The following ACACA variants were observed in gnomAD, a reference collection of about 807,000 sequenced individuals.
The protein encoded by ACACA is acetyl-CoA carboxylase alpha.
ACACA carries 103 observed loss-of-function variants against 296.1 expected under a neutral mutation model. That is an observed-to-expected ratio of 0.35 (90% CI 0.30 to 0.41). The LOEUF (loss-of-function observed/expected upper bound fraction) is 0.41, where lower values mean the gene tolerates loss of function less well. ACACA is among the 10% of genes least tolerant of loss of function. The pLI is 1.00. For synonymous variants in ACACA, 953 were observed against 1,038.6 expected, an observed-to-expected ratio of 0.92 and a Z score of 1.58; for missense variants, 1,554 against 2,989.7, an observed-to-expected ratio of 0.52 and a Z score of 11.20.
chr17:37,241,933 C>T lies in ACACA; in HGVS notation c.3032+20G>A. The T allele has an allele frequency of 6.3e-7, 1 of 1,594,128 alleles. No individual in the cohort carries two copies. Among genetic ancestry groups the T allele is most frequent in the Non-Finnish European group, 8.6e-7 (1 of 1,162,070 alleles). ...CATGAGTATGGACAGGTCTGGGAAT[C>T]TGGAGTTACAAGTTACTACCTCTGT... is the stretch of plus-strand genomic sequence containing the variant. On this transcript the variant is annotated intron_variant, in intron 23 of 55. Transcript: ENST00000616317.
In ACACA at chr17:37,240,574, T is replaced by C. The variant is rs368429707; in HGVS notation, c.3033-10A>G. ...GATGCCACTTCGGTACCTAGGCAAATAGAAAGTCTCCACTGAAAAACCTGA... is the reference window on the plus strand; with the variant it reads ...GATGCCACTTCGGTACCTAGGCAAACAGAAAGTCTCCACTGAAAAACCTGA... On this transcript the variant is annotated splice_polypyrimidine_tract_variant and intron_variant, in intron 23 of 55. Transcript: ENST00000616317. 15 of 1,609,156 alleles carry C rather than the reference T, an allele frequency of 9.3e-6. No homozygotes were observed. In the African/African-American group the frequency reaches 1.5e-4, roughly 16 times the overall value.
At chr17:37,206,173 G>C (rs958224694) in intron 32 of ACACA, among the ~76,000 whole-genome samples, 1 of 152,170 alleles carries the variant, frequency 6.6e-6, no homozygotes, top group African/African-American at 2.4e-5. Flanking sequence ...CCAATAAAAT[G>C]GGGGTGAAAC....
intron 3 of ACACA, among the ~76,000 whole-genome samples, chr17:37,311,765 G>A (rs960366966): frequency 6.6e-5 from 10 of 151,810 alleles, no homozygotes; most frequent in South Asian, 6.2e-4. Flanking sequence ...CCAGCTACTC[G>A]GGAGGCTGAG....
At chr17:37,093,114 G>T (rs899498113) in intron 54 of ACACA, among the ~76,000 whole-genome samples, 2 of 152,196 alleles carry the variant, frequency 1.3e-5, no homozygotes, top group Non-Finnish European at 2.9e-5. Flanking sequence ...GAAGTTTGGT[G>T]TATGAGACTT....
chr17:37,296,766 G>A (rs1464411822), intron 3 of ACACA, among the ~76,000 whole-genome samples: 1 of 151,956 alleles, frequency 6.6e-6, no homozygotes, highest in African/African-American at 2.4e-5. Context: ...GCCCAGGCTG[G>A]AGTACAGTAG....
chr17:37,273,520 T>A (rs2082152644), intron 9 of ACACA, among the ~76,000 whole-genome samples: 1 of 152,240 alleles, frequency 6.6e-6, no homozygotes, highest in South Asian at 2.1e-4. Flanking sequence ...AAGGAGGGAC[T>A]GAATATGCAT....
intron 21 of ACACA, among the ~76,000 whole-genome samples, chr17:37,243,794 G>A (rs2080543898): frequency 6.6e-6 from 1 of 152,090 alleles, no homozygotes; most frequent in Non-Finnish European, 1.5e-5. Context: ...CCACATATAA[G>A]TGGACCCACA....
intron 52 of ACACA, among the ~76,000 whole-genome samples, chr17:37,110,075 G>GA (rs3841372): frequency 2.8e-4 from 37 of 134,080 alleles, no homozygotes; most frequent in African/African-American, 5.8e-4. Flanking sequence ...CCAGCAAAAA[G>GA]AAAAAAAAAA....
chr17:37,196,724 A>G (rs1304473496), intron 35 of ACACA, among the ~76,000 whole-genome samples: 1 of 152,194 alleles, frequency 6.6e-6, no homozygotes, highest in African/African-American at 2.4e-5. Flanking sequence ...AGACAGAGTG[A>G]GTCAATAAGT....
intron 5 of ACACA, among the ~76,000 whole-genome samples, chr17:37,280,276 A>T (rs2082451980): frequency 6.6e-6 from 1 of 152,112 alleles, no homozygotes; most frequent in Non-Finnish European, 1.5e-5. Context: ...TGGCATGGTC[A>T]TGGCTCACTG....
At chr17:37,245,834 C>T (rs943759262) in intron 19 of ACACA, among the ~76,000 whole-genome samples, 10 of 152,260 alleles carry the variant, frequency 6.6e-5, no homozygotes, top group Non-Finnish European at 1.0e-4. Flanking sequence ...CTGCTGCCTC[C>T]AGGATAGTGA....
intron 35 of ACACA, among the ~76,000 whole-genome samples, chr17:37,198,003 C>T (rs529659766): frequency 6.6e-6 from 1 of 152,312 alleles, no homozygotes; most frequent in South Asian, 2.1e-4. Context: ...CCCCTGCTGG[C>T]CTCATTTTCT....
intron 54 of ACACA, among the ~76,000 whole-genome samples, 162 bp from the exon 55 acceptor site, chr17:37,089,236 G>A (rs1308570934): frequency 6.6e-6 from 1 of 152,198 alleles, no homozygotes. Context: ...AGGCCTCGAG[G>A]CAGGAGCTGT....
At chr17:37,219,127 G>T (rs751140284) in intron 29 of ACACA, among the ~76,000 whole-genome samples, 1 of 152,192 alleles carries the variant, frequency 6.6e-6, no homozygotes, top group Non-Finnish European at 1.5e-5. Flanking sequence ...TCTGGGAGGG[G>T]AGATTGAGTT....
At chr17:37,124,757 A>G (rs1314451409) in intron 48 of ACACA, among the ~76,000 whole-genome samples, 1 of 152,244 alleles carries the variant, frequency 6.6e-6, no homozygotes, top group East Asian at 1.9e-4. Flanking sequence ...TCAGAGTCAC[A>G]GAGGAAGACC....
intron 3 of ACACA, among the ~76,000 whole-genome samples, chr17:37,305,929 G>C (rs1013531887): frequency 8.1e-4 from 76 of 93,438 alleles, no homozygotes; most frequent in African/African-American, 2.7e-3. Context: ...TTTTTTTTGA[G>C]ACGGAGTCTT....
intron 1 of ACACA, among the ~76,000 whole-genome samples, chr17:37,375,169 G>C (rs919891410): frequency 1.3e-5 from 2 of 151,350 alleles, no homozygotes; most frequent in Non-Finnish European, 2.9e-5. Context: ...ACTCCAGCCT[G>C]GGCAACAGAA....
chr17:37,359,160 G>A (rs997251660), intron 1 of ACACA: 4 of 947,576 alleles, frequency 4.2e-6, no homozygotes, highest in African/African-American at 1.8e-5. Context: ...GGCCTGACCC[G>A]CCCCCGCCCC....
chr17:37,388,208 G>A (rs79582826), intron 1 of ACACA, among the ~76,000 whole-genome samples: 2,815 of 152,122 alleles, frequency 0.019, 83 homozygotes, highest in African/African-American at 0.064. Context: ...TGACCCAGAA[G>A]CAGTGCTAAT....
Sources: allele counts gnomAD v4.1 joint callset (sites outside exome capture counted in the v4.1 genomes callset), GRCh38; gene constraint gnomAD v4.1.1; transcripts MANE v1.5; gene names NCBI Gene and HGNC (gene_info 2026-07-23, HGNC 2026-07-21).